GRM7: variants seen among roughly 807,000 people sequenced by gnomAD.
GRM7 encodes glutamate metabotropic receptor 7.
GRM7 carries 35 observed loss-of-function variants against 84.5 expected under a neutral mutation model. The observed-to-expected ratio is 0.41, with a 90% CI of 0.32 to 0.55. GRM7 has a LOEUF of 0.55. GRM7 is among the 20% of genes least tolerant of loss of function. The pLI is 0.19. For synonymous variants in GRM7, 487 were observed against 455.1 expected (o/e 1.07, Z -0.89); for missense variants, 1,003 against 1,194.6 (o/e 0.84, Z 2.36).
intron 8 of GRM7, among the ~76,000 whole-genome samples, chr3:7,585,268 T>G (rs935196248): frequency 8.5e-5 from 13 of 152,178 alleles, no homozygotes; most frequent in Admixed American, 4.6e-4. Flanking sequence ...GCTGTGACCT[T>G]GGTGATAACT....
chr3:7,353,213 C>T (rs1693237710), intron 4 of GRM7, among the ~76,000 whole-genome samples: 1 of 151,982 alleles, frequency 6.6e-6, no homozygotes, highest in Non-Finnish European at 1.5e-5. Flanking sequence ...GGTAAGGTAC[C>T]AAGAGTGACT....
chr3:6,868,719 A>C (rs181369537), intron 1 of GRM7, among the ~76,000 whole-genome samples: 2 of 152,288 alleles, frequency 1.3e-5, no homozygotes, highest in East Asian at 3.9e-4. Context: ...TTTTAATACA[A>C]TTGCTGAAAG....
At chr3:7,707,262 A>G (rs527763887) in intron 9 of GRM7, among the ~76,000 whole-genome samples, 1 of 152,156 alleles carries the variant, frequency 6.6e-6, no homozygotes, top group South Asian at 2.1e-4. Context: ...GAAGACTGAC[A>G]AAAAAGGAAG....
intron 4 of GRM7, among the ~76,000 whole-genome samples, chr3:7,344,090 GTT>G (rs546442588): frequency 1.4e-5 from 2 of 146,788 alleles, no homozygotes; most frequent in African/African-American, 5.0e-5. Context: ...ATCAAATCAT[GTT>G]TTTTTTTTTA....
intron 8 of GRM7, among the ~76,000 whole-genome samples, chr3:7,652,247 C>T (rs920172013): frequency 4.6e-5 from 7 of 152,116 alleles, no homozygotes; most frequent in African/African-American, 1.4e-4. Flanking sequence ...CAGGTAAAAA[C>T]AGGACCGTCC....
chr3:7,604,062 C>G (rs929784543), intron 8 of GRM7, among the ~76,000 whole-genome samples: 9 of 149,480 alleles, frequency 6.0e-5, no homozygotes, highest in Non-Finnish European at 1.0e-4. Context: ...AAATTAGTCG[C>G]AAGTTACAGA....
chr3:7,729,580 T>A (rs1302925872), intron 9 of GRM7, among the ~76,000 whole-genome samples: 1 of 152,214 alleles, frequency 6.6e-6, no homozygotes, highest in South Asian at 2.1e-4. Flanking sequence ...ATGTTGTGAC[T>A]GGAGGGGTAT....
chr3:7,499,569 CA>C (rs1215807429), intron 7 of GRM7, among the ~76,000 whole-genome samples: 1 of 152,120 alleles, frequency 6.6e-6, no homozygotes, highest in African/African-American at 2.4e-5. Flanking sequence ...TTTATTCTCA[CA>C]AAATTCTCTG....
intron 7 of GRM7, among the ~76,000 whole-genome samples, chr3:7,520,667 G>T (rs1038973155): frequency 6.6e-6 from 1 of 152,110 alleles, no homozygotes; most frequent in Admixed American, 6.5e-5. Flanking sequence ...GTTTCCTGGA[G>T]CCTGATTCAC....
chr3:7,312,915 C>A (rs1357203947), intron 4 of GRM7, among the ~76,000 whole-genome samples: 3 of 149,058 alleles, frequency 2.0e-5, no homozygotes. Context: ...CCTGCCTTCT[C>A]CTCCTTTTTT....
chr3:7,437,673 G>T (rs1697114126), intron 5 of GRM7, among the ~76,000 whole-genome samples: 1 of 151,918 alleles, frequency 6.6e-6, no homozygotes, highest in Admixed American at 6.6e-5. Flanking sequence ...ACGTCTGCCT[G>T]GTTTCCTTCT....
chr3:7,213,333 A>G (rs958765806), intron 2 of GRM7, among the ~76,000 whole-genome samples: 7 of 152,176 alleles, frequency 4.6e-5, no homozygotes, highest in Non-Finnish European at 8.8e-5. Context: ...ATATCTAAGG[A>G]GTATACCACT....
At chr3:7,374,831 A>G (rs1166529901) in intron 4 of GRM7, among the ~76,000 whole-genome samples, 2 of 151,968 alleles carry the variant, frequency 1.3e-5, no homozygotes, top group African/African-American at 4.8e-5. Context: ...GAGAATTTGG[A>G]GTAAACCTAA....
intron 8 of GRM7, among the ~76,000 whole-genome samples, chr3:7,618,524 T>C (rs1259411749): frequency 6.6e-6 from 1 of 152,118 alleles, no homozygotes; most frequent in Non-Finnish European, 1.5e-5. Context: ...TTAATTATTG[T>C]TATTATTTGT....
At chr3:7,060,943 A>G (rs138242239) in intron 1 of GRM7, among the ~76,000 whole-genome samples, 2 of 151,892 alleles carry the variant, frequency 1.3e-5, no homozygotes, top group Non-Finnish European at 2.9e-5. Flanking sequence ...ATACTGGGTG[A>G]CTGATTTATA....
At chr3:7,719,133 G>T (rs1033792439) in intron 9 of GRM7, among the ~76,000 whole-genome samples, 15 of 152,130 alleles carry the variant, frequency 9.9e-5, no homozygotes, top group Non-Finnish European at 1.9e-4. Flanking sequence ...ACGCTATTTG[G>T]AAGTACTTGT....
chr3:6,917,246 G>T (rs893623218), intron 1 of GRM7, among the ~76,000 whole-genome samples: 1 of 152,060 alleles, frequency 6.6e-6, no homozygotes, highest in Non-Finnish European at 1.5e-5. Flanking sequence ...ATATGGTATT[G>T]TTGCTCAGTT....
intron 7 of GRM7, among the ~76,000 whole-genome samples, chr3:7,577,134 A>C (rs1290091725): frequency 1.3e-5 from 2 of 152,202 alleles, no homozygotes; most frequent in Non-Finnish European, 2.9e-5. Context: ...AAGAAATTAA[A>C]TTCTATGACC....
intron 2 of GRM7, among the ~76,000 whole-genome samples, chr3:7,213,950 A>G (rs1023390958): frequency 8.5e-5 from 13 of 152,188 alleles, no homozygotes; most frequent in African/African-American, 3.1e-4. Flanking sequence ...AAAGAACAGC[A>G]AAGGGCTTTA....
Sources: allele counts gnomAD v4.1 joint callset (sites outside exome capture counted in the v4.1 genomes callset), GRCh38; gene constraint gnomAD v4.1.1; transcripts MANE v1.5; gene names NCBI Gene and HGNC (gene_info 2026-07-23, HGNC 2026-07-21).